Variants in DAG1 observed in about 807,000 individuals in gnomAD.
DAG1 encodes the protein dystroglycan 1, also known as dystroglycan 1 (dystrophin-associated glycoprotein 1).
DAG1 carries 8 observed loss-of-function variants against 46.1 expected under a neutral mutation model. That is an observed-to-expected ratio of 0.17 (90% CI 0.10 to 0.31). The LOEUF is 0.31. Ranked by LOEUF, DAG1 falls within the 10% of genes least tolerant of loss-of-function variation. The probability of loss-of-function intolerance (pLI) is 1.00; values close to 1 mark genes in which losing one functional copy is unlikely to be tolerated. For synonymous variants in DAG1, 495 were observed against 481.8 expected, an observed-to-expected ratio of 1.03 and a Z score of -0.36; for missense variants, 1,003 against 1,189.9, an observed-to-expected ratio of 0.84 and a Z score of 2.31.
intron 1 of DAG1, among the ~76,000 whole-genome samples, chr3:49,470,731 T>G (rs907482061): frequency 7.9e-5 from 12 of 152,190 alleles, no homozygotes; most frequent in Non-Finnish European, 1.5e-4. Flanking sequence ...GCCTGCGCCT[T>G]GGCCGCGGTC....
intron 1 of DAG1, among the ~76,000 whole-genome samples, chr3:49,508,940 CAG>C (rs1312253895): frequency 6.6e-6 from 1 of 152,088 alleles, no homozygotes; most frequent in Non-Finnish European, 1.5e-5. Flanking sequence ...AAGTGAGTTG[CAG>C]AGTGTTTGAC....
At chr3:49,475,204 A>C (rs926965336) in intron 1 of DAG1, among the ~76,000 whole-genome samples, 4 of 151,222 alleles carry the variant, frequency 2.6e-5, no homozygotes, top group African/African-American at 9.7e-5. Context: ...TCCTGGGTTC[A>C]AGTGATTCTC....
intron 1 of DAG1, among the ~76,000 whole-genome samples, chr3:49,509,327 T>C (rs2050697887): frequency 2.0e-5 from 3 of 152,150 alleles, no homozygotes; most frequent in African/African-American, 7.2e-5. Context: ...CCCAGCTATT[T>C]ACTTGAGCCC....
At chr3:49,485,072 C>T (rs140229365) in intron 1 of DAG1, among the ~76,000 whole-genome samples, 1,747 of 150,232 alleles carry the variant, frequency 0.012, 31 homozygotes, top group African/African-American at 0.041. Flanking sequence ...CTGCAAGCTC[C>T]GCCTCCCGGG....
intron 1 of DAG1, among the ~76,000 whole-genome samples, chr3:49,496,343 A>G (rs2050308120): frequency 6.9e-6 from 1 of 144,508 alleles, no homozygotes; most frequent in Non-Finnish European, 1.5e-5. Context: ...CCAATTTTTT[A>G]AATTTTTAAC....
At chr3:49,476,665 T>C (rs2049690985) in intron 1 of DAG1, among the ~76,000 whole-genome samples, 2 of 152,238 alleles carry the variant, frequency 1.3e-5, no homozygotes, top group African/African-American at 2.4e-5. Context: ...TTTTTGGTTC[T>C]GGATTGACTG....
intron 1 of DAG1, among the ~76,000 whole-genome samples, chr3:49,498,647 A>G (rs1425938006): frequency 6.6e-6 from 1 of 151,980 alleles, no homozygotes; most frequent in Admixed American, 6.6e-5. Flanking sequence ...AAATAGGAAC[A>G]TGGTATTTTA....
intron 1 of DAG1, among the ~76,000 whole-genome samples, chr3:49,504,751 C>A (rs1295041927): frequency 6.9e-6 from 1 of 144,386 alleles, no homozygotes; most frequent in Admixed American, 7.1e-5. Flanking sequence ...CCCGCTACCA[C>A]GCCCAGCTAA....
chr3:49,474,744 A>C (rs2049628376), intron 1 of DAG1, among the ~76,000 whole-genome samples: 2 of 151,998 alleles, frequency 1.3e-5, no homozygotes, highest in African/African-American at 4.8e-5. Flanking sequence ...CAGCCTCCGA[A>C]AGTGCTGGGA....
chr3:49,526,544 A>G (rs1029038130), intron 2 of DAG1, among the ~76,000 whole-genome samples: 1 of 152,054 alleles, frequency 6.6e-6, no homozygotes, highest in Non-Finnish European at 1.5e-5. Flanking sequence ...TCCCATCTCT[A>G]AAAAAAGAAA....
intron 1 of DAG1, among the ~76,000 whole-genome samples, chr3:49,499,301 G>A (rs938707116): frequency 6.6e-6 from 1 of 152,134 alleles, no homozygotes; most frequent in Non-Finnish European, 1.5e-5. Flanking sequence ...TTGGGAGGCC[G>A]AGGCAGGAGG....
upstream of DAG1, chr3:49,468,987 C>T (rs1243750574): frequency 6.6e-6 from 1 of 152,160 alleles, no homozygotes; most frequent in Non-Finnish European, 1.5e-5. Context: ...GCACCTAGCC[C>T]CTTCCTTTTC....
At chr3:49,469,524 C>T (rs1382175370), upstream of DAG1, among the ~76,000 whole-genome samples, 1 of 152,144 alleles carries the variant, frequency 6.6e-6, no homozygotes, top group Admixed American at 6.6e-5. Context: ...GAGTGACCAG[C>T]GCCTGCGAGT....
At chr3:49,469,604 T>A (rs1230176260), upstream of DAG1, among the ~76,000 whole-genome samples, 1 of 152,120 alleles carries the variant, frequency 6.6e-6, no homozygotes, top group African/African-American at 2.4e-5. Flanking sequence ...GGACGAGGGT[T>A]AGGCCTGAGG....
chr3:49,528,132 TTTTG>T lies in DAG1; in HGVS notation c.286-2653_286-2650del, dbSNP rs557964541. ...CTTACTTATTTGCTTCATGGTGGTTTTTTGTTTGTTTGTTTTTGCAAAACAAGAG... is the reference window on the plus strand; with the variant it reads ...CTTACTTATTTGCTTCATGGTGGTTTTTTGTTTGTTTTTGCAAAACAAGAG... On this transcript the variant is annotated intron_variant, in intron 2 of 2. Transcript: ENST00000308775. 5.8e-4 allele frequency among the ~76,000 whole-genome samples: 88 copies of T among 152,256 alleles called. No individual in the cohort carries two copies. In the South Asian group the frequency reaches 0.01, roughly 18 times the overall value.
chr3:49,471,409 A>G (rs1283423337), intron 1 of DAG1, among the ~76,000 whole-genome samples: 1 of 152,222 alleles, frequency 6.6e-6, no homozygotes. Context: ...ATCAGGTTCT[A>G]TGCTTAGTTA....
intron 1 of DAG1, among the ~76,000 whole-genome samples, chr3:49,496,871 C>T (rs895150621): frequency 6.6e-6 from 1 of 151,790 alleles, no homozygotes; most frequent in South Asian, 2.1e-4. Context: ...GTGATCCACC[C>T]ACCTCGGCCT....
At chr3:49,481,434 G>T (rs1452304474) in intron 1 of DAG1, among the ~76,000 whole-genome samples, 1 of 150,000 alleles carries the variant, frequency 6.7e-6, no homozygotes. Flanking sequence ...GTGATTTACA[G>T]TTTTGTAGAA....
chr3:49,531,888 G>A lies in DAG1; in HGVS notation c.1377G>A (p.Val459=), dbSNP rs780671708. The change falls in exon 3 of 3, where the codon GTG becomes GTA. Residue 459 remains valine, a synonymous_variant. Transcript: ENST00000308775. This position sits in a 1 kb window ranked among gnomAD's most constrained non-coding sequence, Gnocchi z 7.0. The part of the protein sequence containing the change: ...PTKKPRTPRP[V]PRVTTKVSIT... ...AGAAACCACGGACACCCCGGCCAGT[G>A]CCCCGGGTCACCACCAAAGTTTCCA... 9.9e-6 allele frequency: 16 copies of A among 1,614,010 alleles called. No homozygotes were observed. The highest frequency in any genetic ancestry group is 8.8e-5 in the South Asian group (8 of 91,060).
Sources: gnomAD v4.1 joint callset for allele counts (sites outside exome capture counted in the v4.1 genomes callset) on GRCh38, gnomAD v4.1.1 for gene constraint, Gnocchi (gnomAD v3.1) non-coding constraint, MANE v1.5 for transcripts, NCBI Gene and HGNC (gene_info 2026-07-23, HGNC 2026-07-21) for gene names.